Variants in CADPS observed in about 807,000 individuals in gnomAD.
The protein encoded by CADPS is calcium-dependent secretion activator 1.
A neutral mutation model predicts 167.3 loss-of-function variants in CADPS; 57 were observed. The observed-to-expected ratio is 0.34, with a 90% CI of 0.28 to 0.42. CADPS has a LOEUF of 0.42. CADPS is among the 20% of genes least tolerant of loss of function. CADPS has a pLI of 1.00. For missense variants in CADPS, 1,414 were observed against 1,738.1 expected (o/e 0.81, Z 3.32); for synonymous variants, 676 against 635.3 (o/e 1.06, Z -0.96).
At chr3:62,846,306 A>C (rs2153072138) in intron 1 of CADPS, among the ~76,000 whole-genome samples, 1 of 152,342 alleles carries the variant, frequency 6.6e-6, no homozygotes, top group East Asian at 1.9e-4. Context: ...TTCTGGGAAG[A>C]CTACTCCATA....
chr3:62,568,499 C>G (rs2080712136), intron 9 of CADPS, among the ~76,000 whole-genome samples: 1 of 152,202 alleles, frequency 6.6e-6, no homozygotes. Flanking sequence ...CATCAGACTC[C>G]AGGTTCTTTG....
At chr3:62,707,534 G>C (rs1023527525) in intron 3 of CADPS, among the ~76,000 whole-genome samples, 4 of 152,116 alleles carry the variant, frequency 2.6e-5, no homozygotes, top group African/African-American at 9.7e-5. Flanking sequence ...GACCTGAAGG[G>C]AAAATACTGG....
intron 1 of CADPS, among the ~76,000 whole-genome samples, chr3:62,781,953 G>A (rs1242101251): frequency 6.6e-6 from 1 of 152,166 alleles, no homozygotes; most frequent in East Asian, 1.9e-4. Flanking sequence ...AGACTTTTGA[G>A]TTCTAAGAAG....
chr3:62,860,483 C>T (rs1044089465), intron 1 of CADPS, among the ~76,000 whole-genome samples: 2 of 152,114 alleles, frequency 1.3e-5, no homozygotes, highest in African/African-American at 2.4e-5. Flanking sequence ...CAAGTCTCAC[C>T]GTTGGCCCTG....
intron 1 of CADPS, among the ~76,000 whole-genome samples, chr3:62,864,110 T>C (rs534958198): frequency 1.3e-5 from 2 of 152,344 alleles, no homozygotes; most frequent in South Asian, 4.1e-4. Context: ...ACAACTTTTA[T>C]AGGAAGACTT....
At chr3:62,749,195 G>A (rs1218989185) in intron 3 of CADPS, among the ~76,000 whole-genome samples, 4 of 152,310 alleles carry the variant, frequency 2.6e-5, no homozygotes, top group East Asian at 3.9e-4. Context: ...AAGAAACTCC[G>A]TGGGCAAATT....
intron 6 of CADPS, among the ~76,000 whole-genome samples, chr3:62,642,638 T>A (rs1302974511): frequency 6.6e-6 from 1 of 152,192 alleles, no homozygotes; most frequent in East Asian, 1.9e-4. Flanking sequence ...CCAGGTGCAG[T>A]GGCCCATGCC....
At chr3:62,593,238 G>C (rs1338232442) in intron 6 of CADPS, among the ~76,000 whole-genome samples, 2 of 152,170 alleles carry the variant, frequency 1.3e-5, no homozygotes. Context: ...AAGATGAGTT[G>C]AATAAGGAGA....
rs568931262 is a variant in CADPS, at chr3:62,844,084, T to G, written c.441+30505A>C. 2.0e-5 allele frequency among the ~76,000 whole-genome samples: 3 copies of G among 152,312 alleles called. No homozygotes were observed. In the South Asian group the frequency reaches 6.2e-4, roughly 32 times the overall value. ...TCTAGAGGAGTGATTATTATTGTTA[T>G]GCTGTTTAAAAATGGTCTTTTGTTG... On this transcript the variant is annotated intron_variant, in intron 1 of 29. Coordinates refer to ENST00000383710, the MANE Select transcript of CADPS (RefSeq NM_003716.4).
chr3:62,746,645 C>A (rs999242323), intron 3 of CADPS, among the ~76,000 whole-genome samples: 3 of 152,110 alleles, frequency 2.0e-5, no homozygotes, highest in Admixed American at 6.6e-5. Context: ...ACCAGGTGAT[C>A]CTTTTAACAG....
chr3:62,528,382 A>G (rs2072822347), intron 13 of CADPS, among the ~76,000 whole-genome samples: 1 of 152,246 alleles, frequency 6.6e-6, no homozygotes, highest in Non-Finnish European at 1.5e-5. Flanking sequence ...TAATAAGGAT[A>G]AAATGAGATA....
chr3:62,798,353 CTTCCAGCAGGAAGCTGTATGCT>C (rs2152786924), intron 1 of CADPS, among the ~76,000 whole-genome samples: 1 of 152,198 alleles, frequency 6.6e-6, no homozygotes, highest in African/African-American at 2.4e-5. Context: ...CTTCATCCTC[CTTCCAGCAGGAAGCTGTATGCT>C]TCCTGCTCTT....
At chr3:62,788,662 C>T (rs2092680118) in intron 1 of CADPS, among the ~76,000 whole-genome samples, 1 of 152,222 alleles carries the variant, frequency 6.6e-6, no homozygotes, top group South Asian at 2.1e-4. Flanking sequence ...TTCCTGCAGA[C>T]AGGGTCTTTC....
chr3:62,459,727 C>A (rs1340545284), intron 26 of CADPS, among the ~76,000 whole-genome samples: 2 of 152,174 alleles, frequency 1.3e-5, no homozygotes, highest in Non-Finnish European at 2.9e-5. Flanking sequence ...CTCCCTCATG[C>A]AAATGTCCAA....
chr3:62,747,886 A>C (rs2081830281), intron 3 of CADPS, among the ~76,000 whole-genome samples: 1 of 152,132 alleles, frequency 6.6e-6, no homozygotes, highest in African/African-American at 2.4e-5. Context: ...GAGTGTGATC[A>C]GTAAGAGAAA....
At chr3:62,861,627 T>C (rs113307949) in intron 1 of CADPS, among the ~76,000 whole-genome samples, 2 of 152,176 alleles carry the variant, frequency 1.3e-5, no homozygotes, top group African/African-American at 2.4e-5. Flanking sequence ...CCTTTCCCCA[T>C]AGCTTCCACA....
intron 1 of CADPS, among the ~76,000 whole-genome samples, chr3:62,844,906 T>G (rs1044383924): frequency 5.9e-5 from 9 of 152,136 alleles, no homozygotes; most frequent in African/African-American, 2.2e-4. Context: ...AGGAGCTTGT[T>G]GAAAAAATAT....
intron 10 of CADPS, among the ~76,000 whole-genome samples, chr3:62,554,656 C>T (rs1323959676): frequency 2.0e-5 from 3 of 152,142 alleles, no homozygotes; most frequent in African/African-American, 7.2e-5. Flanking sequence ...TCAGGAATCC[C>T]CTGCAGTGCT....
intron 5 of CADPS, among the ~76,000 whole-genome samples, 189 bp downstream of exon 5, chr3:62,650,658 C>G (rs1376142039): frequency 6.6e-6 from 1 of 152,122 alleles, no homozygotes; most frequent in Non-Finnish European, 1.5e-5. Flanking sequence ...GATTGCATTT[C>G]CTTAAGAAAA....
Sources: allele counts gnomAD v4.1 joint callset (sites outside exome capture counted in the v4.1 genomes callset), GRCh38; gene constraint gnomAD v4.1.1; transcripts MANE v1.5; gene names NCBI Gene and HGNC (gene_info 2026-07-23, HGNC 2026-07-21).